Variants in CTNNA3 observed in about 807,000 individuals in gnomAD.
CTNNA3 encodes catenin alpha-3.
CTNNA3 carries 76 observed loss-of-function variants against 95.7 expected under a neutral mutation model. The observed-to-expected ratio is 0.79, with a 90% confidence interval of 0.66 to 0.96. CTNNA3 has a LOEUF of 0.96. CTNNA3 is among the 40% of genes least tolerant of loss of function. The probability of loss-of-function intolerance (pLI) is 0.00; values close to 1 mark genes in which losing one functional copy is unlikely to be tolerated. For synonymous variants in CTNNA3, 431 were observed against 374.4 expected, an observed-to-expected ratio of 1.15 and a Z score of -1.74; for missense variants, 1,191 against 1,089.8, an observed-to-expected ratio of 1.09 and a Z score of -1.31.
chr10:66,572,190 C>A (rs1365511437), intron 10 of CTNNA3, among the ~76,000 whole-genome samples: 1 of 151,954 alleles, frequency 6.6e-6, no homozygotes, highest in East Asian at 1.9e-4. Flanking sequence ...CAAGACCAGC[C>A]TAGCCAACAA....
chr10:66,874,146 AG>A (rs1358407487), intron 7 of CTNNA3, among the ~76,000 whole-genome samples: 2 of 152,048 alleles, frequency 1.3e-5, no homozygotes, highest in South Asian at 2.1e-4. Flanking sequence ...CATGAGTCTC[AG>A]GAACAAGTGT....
chr10:66,123,907 C>T (rs2082703336), intron 13 of CTNNA3, among the ~76,000 whole-genome samples: 1 of 152,178 alleles, frequency 6.6e-6, no homozygotes, highest in African/African-American at 2.4e-5. Flanking sequence ...GCCCACGAAA[C>T]CACTTTGTCC....
chr10:67,020,340 C>A (rs1011988030), intron 7 of CTNNA3, among the ~76,000 whole-genome samples: 2 of 152,104 alleles, frequency 1.3e-5, no homozygotes, highest in South Asian at 4.1e-4. Context: ...AGCACAAGGG[C>A]TTCTTTATAT....
intron 12 of CTNNA3, among the ~76,000 whole-genome samples, chr10:66,328,434 T>C (rs974309460): frequency 1.3e-5 from 2 of 152,030 alleles, no homozygotes; most frequent in African/African-American, 2.4e-5. Context: ...TGTGATGTTA[T>C]TGTGCTCCTC....
At chr10:66,903,417 T>C (rs1845841870) in intron 7 of CTNNA3, among the ~76,000 whole-genome samples, 1 of 152,094 alleles carries the variant, frequency 6.6e-6, no homozygotes, top group Non-Finnish European at 1.5e-5. Flanking sequence ...CCACAGCCAA[T>C]ATCATACCGA....
chr10:67,204,880 G>A (rs1300497204), intron 6 of CTNNA3, among the ~76,000 whole-genome samples: 2 of 152,274 alleles, frequency 1.3e-5, no homozygotes, highest in Admixed American at 1.3e-4. Flanking sequence ...TGACAGATGG[G>A]CAGGGGTAGA....
At chr10:67,359,055 T>G (rs945836289) in intron 5 of CTNNA3, among the ~76,000 whole-genome samples, 5 of 151,698 alleles carry the variant, frequency 3.3e-5, no homozygotes, top group Non-Finnish European at 2.9e-5. Flanking sequence ...AAAACATAAA[T>G]AAATTCCATA....
At chr10:67,362,112 G>A (rs1843010058) in intron 5 of CTNNA3, among the ~76,000 whole-genome samples, 1 of 151,900 alleles carries the variant, frequency 6.6e-6, no homozygotes, top group African/African-American at 2.4e-5. Context: ...AAGTTCCAAA[G>A]TTGAATCAAT....
At chr10:67,714,408 T>C (rs1841130664) in intron 1 of CTNNA3, among the ~76,000 whole-genome samples, 1 of 152,272 alleles carries the variant, frequency 6.6e-6, no homozygotes, top group Non-Finnish European at 1.5e-5. Context: ...TTGACTGCCT[T>C]GCTGGCTTTC....
Position 66,931,848 on chromosome 10 carries a change from A to G in CTNNA3, c.1048-156324T>C, listed in dbSNP as rs375517134. 2.5e-4 allele frequency among the ~76,000 whole-genome samples: 38 copies of G among 152,348 alleles called. 4 individuals carry two copies. In the South Asian group the frequency reaches 7.5e-3, roughly 30 times the overall value. On this transcript the variant is annotated intron_variant, in intron 7 of 17. Coordinates refer to ENST00000433211, the MANE Select transcript of CTNNA3 (RefSeq NM_013266.4). ...AATAAGAATAGATAAGAAATATTTT[A>G]GAGTGCTTATACTCATCGATGCTGG...
intron 7 of CTNNA3, among the ~76,000 whole-genome samples, chr10:67,105,703 A>G (rs929955304): frequency 2.6e-5 from 4 of 152,162 alleles, no homozygotes; most frequent in Non-Finnish European, 4.4e-5. Context: ...TGGAAATATG[A>G]TTTTTAAAGT....
intron 10 of CTNNA3, among the ~76,000 whole-genome samples, chr10:66,568,523 G>A (rs1842778614): frequency 6.6e-6 from 1 of 151,856 alleles, no homozygotes; most frequent in East Asian, 1.9e-4. Context: ...ATTTATAAAG[G>A]ATATATCTTG....
At chr10:67,361,501 G>C (rs1842989908) in intron 5 of CTNNA3, among the ~76,000 whole-genome samples, 1 of 152,080 alleles carries the variant, frequency 6.6e-6, no homozygotes, top group Non-Finnish European at 1.5e-5. Flanking sequence ...ATTAAAATTA[G>C]ACAACTTGTT....
intron 5 of CTNNA3, among the ~76,000 whole-genome samples, chr10:67,494,181 A>G (rs1838952987): frequency 6.6e-6 from 1 of 152,164 alleles, no homozygotes; most frequent in African/African-American, 2.4e-5. Context: ...GATTCCACTG[A>G]AGAAGAAAAC....
In CTNNA3 at chr10:67,237,160, A is replaced by G. The variant is rs1260654041; in HGVS notation, c.580-17290T>C. 1.7e-5 allele frequency among the ~76,000 whole-genome samples: 2 copies of G among 120,610 alleles called. 1 individual carries two copies. Among genetic ancestry groups the G allele is most frequent in the Admixed American group, 1.6e-4 (2 of 12,230 alleles). 79.1% of individuals were successfully genotyped at this position (120,610 alleles called of 152,430 possible). On this transcript the variant is annotated intron_variant, in intron 5 of 17. Coordinates refer to ENST00000433211, the MANE Select transcript of CTNNA3 (RefSeq NM_013266.4). ...TATATATATATATATATATATATAT[A>G]TATATATATATATACACACACAATG...
intron 15 of CTNNA3, among the ~76,000 whole-genome samples, chr10:66,056,386 CAAT>C (rs751880870): frequency 5.3e-5 from 8 of 152,086 alleles, no homozygotes; most frequent in Non-Finnish European, 8.8e-5. Context: ...GAATCCCTCT[CAAT>C]GATGATGAAT....
intron 4 of CTNNA3, among the ~76,000 whole-genome samples, chr10:67,534,611 T>G (rs192779474): frequency 5.9e-5 from 9 of 152,312 alleles, no homozygotes; most frequent in Admixed American, 5.9e-4. Flanking sequence ...CCTGTAAGTT[T>G]CTGTAAGGTT....
chr10:66,775,020 A>T (rs1317265794), intron 8 of CTNNA3, among the ~76,000 whole-genome samples: 5 of 152,210 alleles, frequency 3.3e-5, no homozygotes, highest in African/African-American at 1.2e-4. Context: ...AAGCATTTGG[A>T]TGATGAACTC....
intron 9 of CTNNA3, among the ~76,000 whole-genome samples, chr10:66,737,411 T>TG (rs1344916678): frequency 6.6e-6 from 1 of 152,200 alleles, no homozygotes; most frequent in Non-Finnish European, 1.5e-5. Context: ...TTTAATTCTC[T>TG]AGTTCTTAGT....
Sources: gnomAD v4.1 joint callset for allele counts (sites outside exome capture counted in the v4.1 genomes callset) on GRCh38, gnomAD v4.1.1 for gene constraint, MANE v1.5 for transcripts, NCBI Gene and HGNC (gene_info 2026-07-23, HGNC 2026-07-21) for gene names.